Variants in LRRTM4 observed in about 807,000 individuals in gnomAD.
LRRTM4 encodes the protein leucine rich repeat transmembrane neuronal 4.
A neutral mutation model predicts 47.6 loss-of-function variants in LRRTM4; 25 were observed. The observed-to-expected ratio is 0.53, with a 90% confidence interval of 0.38 to 0.73. LRRTM4 has a LOEUF of 0.73. Ranked by LOEUF, LRRTM4 falls within the 30% of genes least tolerant of loss-of-function variation. LRRTM4 has a pLI of 0.00. For missense variants in LRRTM4, 638 were observed against 713.4 expected, an observed-to-expected ratio of 0.89 and a Z score of 1.20; for synonymous variants, 311 against 269.5, an observed-to-expected ratio of 1.15 and a Z score of -1.51.
At chr2:76,914,887 CT>C (rs1204232073) in intron 3 of LRRTM4, among the ~76,000 whole-genome samples, 3 of 152,144 alleles carry the variant, frequency 2.0e-5, no homozygotes, top group African/African-American at 7.2e-5. Context: ...CACAGAATAA[CT>C]TGAGTTTACT....
intron 3 of LRRTM4, among the ~76,000 whole-genome samples, chr2:77,018,259 C>CTTTTTTTTTTTTTTTTTATTTTTTT (rs1678142827): frequency 1.3e-5 from 1 of 75,036 alleles, no homozygotes; most frequent in African/African-American, 5.2e-5. Context: ...CTCTTGATTG[C>CTTTTTTTTTTTTTTTTTATTTTTTT]TTTTTTTTTT....
At position 76,821,762 on chromosome 2, in the gene LRRTM4, GT is replaced by G. The variant is rs945880423; in HGVS notation, c.1552-72847del. 4.6e-5 allele frequency among the ~76,000 whole-genome samples: 7 copies of G among 151,722 alleles called. No individual in the cohort carries two copies. The South Asian group carries it at 1.2e-3, about 27-fold the overall frequency. ...CCCAGCAGGGGGAATGAAAAATTGT[GT>G]TTTTTTTCCCAAATGTCAACATTCC... On this transcript the variant is annotated intron_variant, in intron 3 of 3. Transcript: ENST00000409884.
intron 3 of LRRTM4, among the ~76,000 whole-genome samples, chr2:77,462,607 A>G (rs945493705): frequency 2.0e-5 from 3 of 151,802 alleles, no homozygotes; most frequent in African/African-American, 7.3e-5. Flanking sequence ...CCAGGAAAAA[A>G]TAAATAAAAA....
chr2:77,213,948 A>T (rs1573085840), intron 3 of LRRTM4, among the ~76,000 whole-genome samples: 1 of 152,210 alleles, frequency 6.6e-6, no homozygotes, highest in African/African-American at 2.4e-5. Flanking sequence ...CATTAAAAAA[A>T]ATCAAAACAA....
At chr2:77,162,642 C>T (rs1399502308) in intron 3 of LRRTM4, among the ~76,000 whole-genome samples, 1 of 152,136 alleles carries the variant, frequency 6.6e-6, no homozygotes. Flanking sequence ...AAGGATCAGG[C>T]AGCAACATTT....
intron 3 of LRRTM4, among the ~76,000 whole-genome samples, chr2:77,154,325 G>C (rs1196167788): frequency 6.6e-6 from 1 of 152,078 alleles, no homozygotes; most frequent in Non-Finnish European, 1.5e-5. Flanking sequence ...TCAATAAAGA[G>C]AAGAATTTTA....
intron 3 of LRRTM4, among the ~76,000 whole-genome samples, chr2:77,157,413 T>G (rs1185483744): frequency 6.6e-6 from 1 of 152,166 alleles, no homozygotes; most frequent in Non-Finnish European, 1.5e-5. Flanking sequence ...AAACTAAAAA[T>G]ATAAATACAC....
chr2:77,215,978 C>A (rs537763192), intron 3 of LRRTM4, among the ~76,000 whole-genome samples: 7 of 152,086 alleles, frequency 4.6e-5, no homozygotes, highest in Non-Finnish European at 7.4e-5. Context: ...TCATTTGATA[C>A]CTGTTCCTAT....
At chr2:76,961,080 T>TAAAAATGAAAG in intron 3 of LRRTM4, among the ~76,000 whole-genome samples, 1 of 151,456 alleles carries the variant, frequency 6.6e-6, no homozygotes, top group South Asian at 2.1e-4. Flanking sequence ...TATTAACTCA[T>TAAAAATGAAAG]TATCTACTTT....
At chr2:77,305,151 A>G (rs114959977) in intron 3 of LRRTM4, among the ~76,000 whole-genome samples, 5,378 of 152,128 alleles carry the variant, frequency 0.035, 321 homozygotes, top group African/African-American at 0.12. Context: ...TGAGATTATG[A>G]TTTAATTATT....
chr2:76,811,786 A>G (rs754808400), intron 3 of LRRTM4, among the ~76,000 whole-genome samples: 4 of 152,200 alleles, frequency 2.6e-5, no homozygotes, highest in Admixed American at 6.5e-5. Flanking sequence ...CCTGAACAAC[A>G]GAAGGCAGCC....
chr2:77,169,695 T>C (rs1269165704), intron 3 of LRRTM4, among the ~76,000 whole-genome samples: 1 of 152,116 alleles, frequency 6.6e-6, no homozygotes, highest in Non-Finnish European at 1.5e-5. Flanking sequence ...CATCAGCATG[T>C]AAACCCTTGC....
intron 3 of LRRTM4, among the ~76,000 whole-genome samples, chr2:77,342,258 G>C (rs1671399807): frequency 6.6e-6 from 1 of 152,062 alleles, no homozygotes; most frequent in Middle Eastern, 3.4e-3. Context: ...TTTCAACCAG[G>C]GTGGTTTTAC....
At chr2:77,222,577 A>T (rs1674669852) in intron 3 of LRRTM4, among the ~76,000 whole-genome samples, 1 of 152,190 alleles carries the variant, frequency 6.6e-6, no homozygotes, top group Non-Finnish European at 1.5e-5. Context: ...TACTCTAAAC[A>T]CCTCTACAGG....
chr2:77,186,863 G>T (rs1172233998), intron 3 of LRRTM4, among the ~76,000 whole-genome samples: 1 of 152,110 alleles, frequency 6.6e-6, no homozygotes, highest in African/African-American at 2.4e-5. Flanking sequence ...GAAGCTGCCG[G>T]TATGTTTTGG....
intron 3 of LRRTM4, among the ~76,000 whole-genome samples, chr2:77,472,466 A>G (rs138821881): frequency 7.2e-5 from 11 of 152,168 alleles, no homozygotes; most frequent in African/African-American, 2.4e-4. Flanking sequence ...TTCAGTGTTC[A>G]TGGACACTTA....
At chr2:77,441,511 T>C (rs1675841346) in intron 3 of LRRTM4, among the ~76,000 whole-genome samples, 2 of 152,198 alleles carry the variant, frequency 1.3e-5, no homozygotes, top group Non-Finnish European at 2.9e-5. Flanking sequence ...TTACTGATTA[T>C]TTCATTTTGG....
At chr2:77,267,010 A>C (rs76732823) in intron 3 of LRRTM4, among the ~76,000 whole-genome samples, 8,684 of 152,146 alleles carry the variant, frequency 0.057, 888 homozygotes, top group African/African-American at 0.2. Context: ...ACAAACAGAA[A>C]CAAAAAAACA....
chr2:77,512,362 G>A (rs1477419824), intron 3 of LRRTM4, among the ~76,000 whole-genome samples: 1 of 152,034 alleles, frequency 6.6e-6, no homozygotes, highest in Non-Finnish European at 1.5e-5. Context: ...CTTATGGAGT[G>A]CATGAGAAAA....
Sources: gnomAD v4.1 joint callset for allele counts (sites outside exome capture counted in the v4.1 genomes callset) on GRCh38, gnomAD v4.1.1 for gene constraint, MANE v1.5 for transcripts, NCBI Gene and HGNC (gene_info 2026-07-23, HGNC 2026-07-21) for gene names.